The following SLC39A12 variants were observed in gnomAD, a reference collection of about 807,000 sequenced individuals.
The protein encoded by SLC39A12 is solute carrier family 39 member 12, also known as zinc transporter ZIP12.
Under a neutral mutation model 71.1 loss-of-function variants are expected in SLC39A12, and 63 were observed. The observed-to-expected ratio is 0.89, with a 90% CI of 0.72 to 1.09. SLC39A12 has a LOEUF of 1.09. Ranked by LOEUF, SLC39A12 falls within the 50% of genes least tolerant of loss-of-function variation. The pLI, the probability that SLC39A12 is intolerant of heterozygous loss-of-function variation, is 0.00. For missense variants in SLC39A12, 892 were observed against 812.6 expected (o/e 1.10, Z -1.19); for synonymous variants, 351 against 301.3 (o/e 1.16, Z -1.71).
chr10:17,962,453 CA>C (rs782192756), intron 3 of SLC39A12, among the ~76,000 whole-genome samples: 1 of 152,132 alleles, frequency 6.6e-6, no homozygotes, highest in African/African-American at 2.4e-5. Flanking sequence ...ACTATTCTAG[CA>C]AAACTGGCCT....
intron 12 of SLC39A12, among the ~76,000 whole-genome samples, chr10:18,013,954 T>A (rs1024452940): frequency 1.3e-5 from 2 of 152,184 alleles, no homozygotes; most frequent in African/African-American, 4.8e-5. Flanking sequence ...TGAGGATCCT[T>A]TGAGATTTCA....
intron 4 of SLC39A12, among the ~76,000 whole-genome samples, chr10:17,974,595 C>T (rs115689685): frequency 0.014 from 2,088 of 152,312 alleles, 42 homozygotes; most frequent in African/African-American, 0.044. Context: ...GACTCTTGTT[C>T]TCTTCCCTTT....
intron 12 of SLC39A12, among the ~76,000 whole-genome samples, chr10:18,036,192 G>C: frequency 6.6e-6 from 1 of 152,216 alleles, no homozygotes; most frequent in Non-Finnish European, 1.5e-5. Context: ...CCAGCTTCAG[G>C]GCTGCTTTGT....
At chr10:17,990,254 T>C (rs1220002874) in intron 7 of SLC39A12, among the ~76,000 whole-genome samples, 1 of 152,176 alleles carries the variant, frequency 6.6e-6, no homozygotes, top group Non-Finnish European at 1.5e-5. Context: ...TATTGGTTTT[T>C]AGTGATATTT....
Position 18,003,005 on chromosome 10 carries a change from A to G in SLC39A12, c.1760-166A>G, listed in dbSNP as rs77473116. ...TTCCTAATAGTACGATGAATGGGCT[A>G]TGAATTCTAGAGAAATATAGGAAAG... On this transcript the variant is annotated intron_variant, in intron 11 of 12. Transcript: ENST00000377369. 4.2e-3 allele frequency: 2,501 copies of G among 589,784 alleles called. 56 individuals are homozygous for G. Among genetic ancestry groups the G allele is most frequent in the African/African-American group, 0.042 (2,236 of 53,616 alleles). 36.5% of individuals were successfully genotyped at this position (589,784 alleles called of 1,614,324 possible). A position where few individuals can be genotyped will look rare whatever the true frequency, so the allele number is the denominator to read the frequency against.
rs532264596 is a variant in SLC39A12 at position 18,039,042 on chromosome 10, A to T, written c.1948-3663A>T. On this transcript the variant is annotated intron_variant, in intron 12 of 12. Transcript: ENST00000377369. ...CACTCAAAATAATCGTGATGGTTCAATAAATGACCTATACTTTATAAGTCT... is the reference window on the plus strand; with the variant it reads ...CACTCAAAATAATCGTGATGGTTCATTAAATGACCTATACTTTATAAGTCT... Among the ~76,000 whole-genome samples the T allele has an allele frequency of 1.2e-4, 18 of 152,362 alleles. No individual in the cohort carries two copies. The East Asian group carries it at 3.5e-3, about 29-fold the overall frequency.
In SLC39A12 at chr10:17,993,298, T is replaced by G; in HGVS notation, c.1533+7T>G. On this transcript the variant is annotated splice_region_variant and intron_variant, in intron 9 of 12. Transcript: ENST00000377369. The stretch of plus-strand genomic sequence containing the variant: ...TGCTTCAACTATCCAGTTGGTAGGT[T>G]CCTGATCTGAAGCATTCTACTGATC... 1 of 1,529,016 alleles carries G rather than the reference T, an allele frequency of 6.5e-7. No individual in the cohort carries two copies. The highest frequency in any genetic ancestry group is 8.9e-7 in the Non-Finnish European group (1 of 1,126,274). The allele number at this position is 1,529,016 out of a possible 1,614,324, so 94.7% of individuals were successfully genotyped here. A position where few individuals can be genotyped will look rare whatever the true frequency, so the allele number is the denominator to read the frequency against.
intron 12 of SLC39A12, among the ~76,000 whole-genome samples, chr10:18,038,527 G>C (rs1022255508): frequency 6.6e-6 from 1 of 152,226 alleles, no homozygotes; most frequent in Admixed American, 6.5e-5. Flanking sequence ...GTGTGTGCCT[G>C]TAATCCCAGC....
intron 12 of SLC39A12, among the ~76,000 whole-genome samples, chr10:18,020,339 G>T (rs1000410256): frequency 7.2e-5 from 11 of 151,920 alleles, no homozygotes; most frequent in African/African-American, 2.7e-4. Flanking sequence ...TGGTGTATTT[G>T]TACCATATTT....
intron 12 of SLC39A12, among the ~76,000 whole-genome samples, chr10:18,007,470 A>AC (rs1041780669): frequency 3.9e-5 from 6 of 152,098 alleles, no homozygotes; most frequent in African/African-American, 1.4e-4. Flanking sequence ...CCTAATCCAG[A>AC]CCCCAAGAGA....
intron 4 of SLC39A12, among the ~76,000 whole-genome samples, chr10:17,967,693 C>A (rs1295146412): frequency 2.0e-5 from 3 of 151,754 alleles, no homozygotes; most frequent in Non-Finnish European, 4.4e-5. Flanking sequence ...ACCATCCTGG[C>A]TAACACGGTG....
chr10:18,017,441 T>C (rs376699443), intron 12 of SLC39A12, among the ~76,000 whole-genome samples: 78 of 152,302 alleles, frequency 5.1e-4, no homozygotes, highest in African/African-American at 1.9e-3. Context: ...CCTGAGTAGC[T>C]AGGATTACAG....
chr10:18,035,409 C>G (rs373383065), intron 12 of SLC39A12, among the ~76,000 whole-genome samples: 1 of 136,816 alleles, frequency 7.3e-6, no homozygotes, highest in Non-Finnish European at 1.5e-5. Context: ...CATCTTCCAT[C>G]GCTGATACCC....
rs1834803925 is a variant in SLC39A12 at position 17,965,587 on chromosome 10, C to T, written c.648C>T (p.Ser216=). Residue 216 remains serine (S), a synonymous_variant, in exon 4 of 13, where the codon TCC becomes TCT. Coordinates refer to ENST00000377369, the MANE Select transcript of SLC39A12 (RefSeq NM_001145195.2). ...TGGCAGCCATGATCATTACTTTGTC[C>T]CTCCAGGGTGTTTGTCTGGGACAAG... is the stretch of plus-strand genomic sequence containing the variant. ...PQLAAMIITL[S]LQGVCLGQGN... The T allele has an allele frequency of 6.2e-7, 1 of 1,614,134 alleles. No individual in the cohort carries two copies. The highest frequency in any genetic ancestry group is 8.5e-7 in the Non-Finnish European group (1 of 1,179,990).
At chr10:18,041,982 GCT>G (rs905716500) in intron 12 of SLC39A12, among the ~76,000 whole-genome samples, 55 of 150,072 alleles carry the variant, frequency 3.7e-4, no homozygotes, top group African/African-American at 1.2e-3. Flanking sequence ...CTTAGTCATC[GCT>G]CTCTCTCTCT....
intron 1 of SLC39A12, among the ~76,000 whole-genome samples, chr10:17,952,464 A>T (rs551288338): frequency 1.1e-3 from 164 of 144,218 alleles, no homozygotes; most frequent in African/African-American, 3.7e-3. Context: ...CTTGTCTAAA[A>T]CTCTTTTTTT....
chr10:17,990,951 C>G (rs1333103415), intron 7 of SLC39A12, among the ~76,000 whole-genome samples, 200 bp from the exon 8 acceptor site: 2 of 152,084 alleles, frequency 1.3e-5, no homozygotes, highest in African/African-American at 4.8e-5. Flanking sequence ...ATTTATTTGA[C>G]CCTGATTGAA....
At chr10:17,970,200 C>T (rs116224512) in intron 4 of SLC39A12, among the ~76,000 whole-genome samples, 2,060 of 152,130 alleles carry the variant, frequency 0.014, 41 homozygotes, top group African/African-American at 0.043. Context: ...CTCTGTAATA[C>T]AGTTTGAAGT....
chr10:17,993,271 T>A lies in SLC39A12; in HGVS notation c.1513T>A (p.Ser505Thr). Reference sequence around the variant, plus strand: ...AAGTGACCAGGCAGGCAGAGGCAAATCTGCTTCAACTATCCAGTTGGTAGG... The same window carrying A: ...AAGTGACCAGGCAGGCAGAGGCAAAACTGCTTCAACTATCCAGTTGGTAGG... ...ELSDQAGRGK[S>T]ASTIQLKSPE... Residue 505 changes from serine to threonine, a missense_variant, in exon 9 of 13, where the codon TCT becomes ACT. Coordinates refer to ENST00000377369, the MANE Select transcript of SLC39A12 (RefSeq NM_001145195.2). The A allele has an allele frequency of 6.4e-7, 1 of 1,551,868 alleles. No individual in the cohort carries two copies. Among genetic ancestry groups the A allele is most frequent in the East Asian group, 2.4e-5 (1 of 40,916 alleles).
Sources: gnomAD v4.1 joint callset for allele counts (sites outside exome capture counted in the v4.1 genomes callset) on GRCh38, gnomAD v4.1.1 for gene constraint, MANE v1.5 for transcripts, NCBI Gene and HGNC (gene_info 2026-07-23, HGNC 2026-07-21) for gene names.